The following SND1 variants were observed in gnomAD, a reference collection of about 807,000 sequenced individuals.
SND1 encodes staphylococcal nuclease domain-containing protein 1.
Under a neutral mutation model 121.7 loss-of-function variants are expected in SND1, and 38 were observed. The observed-to-expected ratio is 0.31, with a 90% CI of 0.24 to 0.41. The LOEUF is 0.41. Ranked by LOEUF, SND1 falls within the 10% of genes least tolerant of loss-of-function variation. The pLI is 1.00. For missense variants in SND1, 868 were observed against 1,184.6 expected (o/e 0.73, Z 3.92); for synonymous variants, 401 against 447.4 (o/e 0.90, Z 1.31).
intron 3 of SND1, among the ~76,000 whole-genome samples, chr7:127,698,570 G>C (rs1245104657): frequency 6.6e-6 from 1 of 152,144 alleles, no homozygotes; most frequent in African/African-American, 2.4e-5. Flanking sequence ...GCTGCCAGCT[G>C]TGTGTGTCTT....
intron 15 of SND1, among the ~76,000 whole-genome samples, chr7:127,957,131 C>T (rs779373149): frequency 6.6e-6 from 1 of 152,210 alleles, no homozygotes; most frequent in Non-Finnish European, 1.5e-5. Flanking sequence ...AGTTCTGTCC[C>T]CAGGTCCCCA....
chr7:127,785,807 A>T (rs1797802296), intron 10 of SND1, among the ~76,000 whole-genome samples: 1 of 152,134 alleles, frequency 6.6e-6, no homozygotes, highest in South Asian at 2.1e-4. Context: ...GGATACTTAA[A>T]TTTTTCTATT....
chr7:127,761,026 A>G (rs1268092718), intron 10 of SND1, among the ~76,000 whole-genome samples: 1 of 152,360 alleles, frequency 6.6e-6, no homozygotes, highest in Non-Finnish European at 1.5e-5. Context: ...TTCAAGTGGT[A>G]TATTGCTCTC....
chr7:127,841,073 T>C (rs1253159085), intron 11 of SND1, among the ~76,000 whole-genome samples: 1 of 152,176 alleles, frequency 6.6e-6, no homozygotes, highest in Non-Finnish European at 1.5e-5. Context: ...AGGTGTTCAC[T>C]TTTGTTTGTT....
At chr7:127,952,199 A>G (rs1399688495) in intron 15 of SND1, among the ~76,000 whole-genome samples, 1 of 152,220 alleles carries the variant, frequency 6.6e-6, no homozygotes, top group African/African-American at 2.4e-5. Context: ...AATTTCATCT[A>G]TACAGGAAAG....
chr7:127,652,833 C>T (rs532687639), intron 1 of SND1, among the ~76,000 whole-genome samples: 2 of 152,356 alleles, frequency 1.3e-5, no homozygotes, highest in Non-Finnish European at 2.9e-5. Flanking sequence ...GAGATCCTGA[C>T]ATCGGCTCTT....
At chr7:128,049,629 G>A (rs550834317) in intron 16 of SND1, among the ~76,000 whole-genome samples, 1 of 152,178 alleles carries the variant, frequency 6.6e-6, no homozygotes, top group Non-Finnish European at 1.5e-5. Flanking sequence ...GGTCAGCAGC[G>A]TGGACCTTGG....
intron 3 of SND1, among the ~76,000 whole-genome samples, chr7:127,697,671 C>T (rs770374193): frequency 1.3e-5 from 2 of 152,142 alleles, no homozygotes; most frequent in Non-Finnish European, 2.9e-5. Flanking sequence ...GGAACCTGAA[C>T]CTTCTTTGTA....
At chr7:128,002,318 A>C (rs1802855957) in intron 16 of SND1, among the ~76,000 whole-genome samples, 1 of 152,282 alleles carries the variant, frequency 6.6e-6, no homozygotes, top group East Asian at 1.9e-4. Context: ...TTTGCAAAGG[A>C]TTATTTATTT....
chr7:127,826,607 G>T (rs1387262443), intron 11 of SND1, among the ~76,000 whole-genome samples: 1 of 152,020 alleles, frequency 6.6e-6, no homozygotes, highest in Non-Finnish European at 1.5e-5. Context: ...AAAAGTCAAC[G>T]TTTTTTGTTT....
At chr7:127,729,902 A>G (rs1796644248) in intron 10 of SND1, among the ~76,000 whole-genome samples, 1 of 152,190 alleles carries the variant, frequency 6.6e-6, no homozygotes, top group Non-Finnish European at 1.5e-5. Context: ...GTCACTTTTC[A>G]TTTTAGCCTT....
chr7:127,846,115 G>C (rs1423821409), intron 12 of SND1, among the ~76,000 whole-genome samples: 1 of 152,142 alleles, frequency 6.6e-6, no homozygotes, highest in African/African-American at 2.4e-5. Context: ...TGTCAATTCT[G>C]TTGGCTGTTT....
intron 1 of SND1, among the ~76,000 whole-genome samples, chr7:127,668,310 G>A (rs191973642): frequency 1.8e-4 from 27 of 152,262 alleles, no homozygotes; most frequent in Non-Finnish European, 3.5e-4. Context: ...AGCAAATTCT[G>A]CTTAAACTTT....
intron 2 of SND1, among the ~76,000 whole-genome samples, chr7:127,690,456 A>C (rs948776999): frequency 6.6e-6 from 1 of 152,170 alleles, no homozygotes; most frequent in Non-Finnish European, 1.5e-5. Context: ...GCTGGTGAGC[A>C]CCTGCTGTCT....
chr7:127,659,608 T>C (rs1195544896), intron 1 of SND1, among the ~76,000 whole-genome samples: 1 of 152,200 alleles, frequency 6.6e-6, no homozygotes, highest in Admixed American at 6.5e-5. Flanking sequence ...GATGGTCTTG[T>C]AGCACCAACC....
intron 7 of SND1, 74 bp downstream of exon 7, chr7:127,703,397 TC>T (rs1796137264): frequency 6.6e-7 from 1 of 1,514,860 alleles, no homozygotes; most frequent in Non-Finnish European, 9.0e-7. Flanking sequence ...GGGGTTTGCT[TC>T]TCTTTCTCTG....
chr7:127,706,421 TA>T (rs1796201121), intron 8 of SND1, among the ~76,000 whole-genome samples: 1 of 152,010 alleles, frequency 6.6e-6, no homozygotes, highest in Admixed American at 6.6e-5. Context: ...CACACCTGGC[TA>T]ATTTTTTTTT....
intron 10 of SND1, among the ~76,000 whole-genome samples, chr7:127,807,149 T>A (rs1798252040): frequency 6.6e-6 from 1 of 152,220 alleles, no homozygotes; most frequent in Non-Finnish European, 1.5e-5. Flanking sequence ...ATTTAAAATA[T>A]CTATAAATAT....
intron 13 of SND1, among the ~76,000 whole-genome samples, chr7:127,902,754 T>C (rs1285855244): frequency 1.3e-5 from 2 of 152,160 alleles, no homozygotes; most frequent in Non-Finnish European, 2.9e-5. Context: ...TCTTGCTCTT[T>C]CGCCCAGGTT....
Sources: allele counts gnomAD v4.1 joint callset (sites outside exome capture counted in the v4.1 genomes callset), GRCh38; gene constraint gnomAD v4.1.1; transcripts MANE v1.5; gene names NCBI Gene and HGNC (gene_info 2026-07-23, HGNC 2026-07-21).